Variants in EXOC6 observed in about 807,000 individuals in gnomAD.
EXOC6 encodes the protein SEC15-like 1.
A neutral mutation model predicts 112.5 loss-of-function variants in EXOC6; 60 were observed. The ratio of observed to expected loss-of-function variants is 0.53; its 90% CI spans 0.43 to 0.66. EXOC6 has a LOEUF of 0.66. Ranked by LOEUF, EXOC6 falls within the 30% of genes least tolerant of loss-of-function variation. The probability of loss-of-function intolerance (pLI) is 0.00; values close to 1 mark genes in which losing one functional copy is unlikely to be tolerated. For synonymous variants in EXOC6, 295 were observed against 308.0 expected, an observed-to-expected ratio of 0.96 and a Z score of 0.44; for missense variants, 855 against 957.1, an observed-to-expected ratio of 0.89 and a Z score of 1.41.
intron 20 of EXOC6, among the ~76,000 whole-genome samples, chr10:93,038,983 G>A (rs1428370185): frequency 6.6e-6 from 1 of 151,862 alleles, no homozygotes; most frequent in Non-Finnish European, 1.5e-5. Flanking sequence ...CACTTCAAAG[G>A]GATGTATTCT....
In EXOC6 at chr10:92,934,313, C is replaced by T. The variant is rs778248794; in HGVS notation, c.1023C>T (p.Phe341=). The T allele has an allele frequency of 3.8e-6, 6 of 1,569,234 alleles. No homozygotes were observed. The Admixed American group carries it at 1.0e-4, about 26-fold the overall frequency. The change falls in exon 11 of 22, where the codon TTC becomes TTT. Residue 341 remains phenylalanine, a synonymous_variant. Transcript: ENST00000260762. Reference sequence around the variant, plus strand: ...CTTTGGTAATTACTGTTTTTAGGTTCTTTGTGGTAGAAGATCACATTTTAC... The same window carrying T: ...CTTTGGTAATTACTGTTTTTAGGTTTTTTGTGGTAGAAGATCACATTTTAC... ...YRRYFTQIVG[F]FVVEDHILHV...
chr10:92,983,072 A>G (rs1358921559), intron 18 of EXOC6, among the ~76,000 whole-genome samples: 1 of 152,200 alleles, frequency 6.6e-6, no homozygotes. Context: ...CACTATCTTG[A>G]AATTTTTGAG....
intron 8 of EXOC6, among the ~76,000 whole-genome samples, chr10:92,924,671 T>C (rs1218554062): frequency 6.6e-6 from 1 of 152,194 alleles, no homozygotes; most frequent in African/African-American, 2.4e-5. Flanking sequence ...AGGGGTGCAT[T>C]TTTTAATGTA....
chr10:93,031,667 C>T (rs835269), intron 20 of EXOC6, among the ~76,000 whole-genome samples: 21,466 of 151,772 alleles, frequency 0.14, 1,682 homozygotes, highest in Admixed American at 0.2. Context: ...CACATGCTAC[C>T]GCACCCAGCT....
At chr10:93,049,778 C>G (rs542298408) in intron 20 of EXOC6, among the ~76,000 whole-genome samples, 1 of 152,224 alleles carries the variant, frequency 6.6e-6, no homozygotes, top group African/African-American at 2.4e-5. Context: ...AGGGTCTCAC[C>G]GTGTTGCCCA....
chr10:92,837,579 C>T (rs1834568633), intron 1 of EXOC6, among the ~76,000 whole-genome samples: 1 of 152,188 alleles, frequency 6.6e-6, no homozygotes, highest in African/African-American at 2.4e-5. Flanking sequence ...GGGAGGCTCA[C>T]TTGAGCCCAG....
intron 1 of EXOC6, among the ~76,000 whole-genome samples, chr10:92,887,347 C>T (rs532883473): frequency 1.4e-4 from 21 of 150,106 alleles, no homozygotes; most frequent in Admixed American, 2.0e-4. Flanking sequence ...TTTTTATCAA[C>T]GTAAGTAGAG....
intron 6 of EXOC6, among the ~76,000 whole-genome samples, chr10:92,910,923 T>C (rs1652924387): frequency 2.1e-5 from 1 of 48,038 alleles, no homozygotes; most frequent in African/African-American, 8.9e-5. Flanking sequence ...AGCGAGACTC[T>C]GTCTCAATAA....
chr10:93,047,396 C>T lies in EXOC6; in HGVS notation c.2170-9528C>T, dbSNP rs560966711. Reference sequence around the variant, plus strand: ...ACTAAAAATGCAAAAATTAGCTGGGCATGGGGGCGTGTGCCTGTAATCCTA... The same window carrying T: ...ACTAAAAATGCAAAAATTAGCTGGGTATGGGGGCGTGTGCCTGTAATCCTA... On this transcript the variant is annotated intron_variant, in intron 20 of 21. Coordinates refer to ENST00000260762, the MANE Select transcript of EXOC6 (RefSeq NM_019053.6). Among the ~76,000 whole-genome samples the T allele has an allele frequency of 1.4e-3, 219 of 152,028 alleles. 1 individual carries two copies. The highest frequency in any genetic ancestry group is 1.7e-3 in the Non-Finnish European group (118 of 67,982).
At chr10:92,848,011 C>A (rs895294251), upstream of EXOC6, among the ~76,000 whole-genome samples, 5 of 151,978 alleles carry the variant, frequency 3.3e-5, no homozygotes, top group Non-Finnish European at 7.4e-5. Flanking sequence ...GATCTTTATT[C>A]GTTCCTAAAA....
At chr10:92,947,679 G>A (rs1405325458) in intron 13 of EXOC6, among the ~76,000 whole-genome samples, 2 of 152,164 alleles carry the variant, frequency 1.3e-5, no homozygotes, top group Admixed American at 1.3e-4. Context: ...GGAGGCCGAG[G>A]CAGGCAGATC....
At position 92,979,192 on chromosome 10, in the gene EXOC6, GCT is replaced by G. The variant is rs1271151168; in HGVS notation, c.1953+4963_1953+4964del. On this transcript the variant is annotated intron_variant, in intron 18 of 21. Coordinates refer to ENST00000260762, the MANE Select transcript of EXOC6 (RefSeq NM_019053.6). ...CTCCCTTCCCCTCCGGTGAAGTCTT[GCT>G]CTGTCACCCAGGCTGGAGTGCACTG... Among the ~76,000 whole-genome samples, 4 of 152,032 alleles carry G rather than the reference GCT, an allele frequency of 2.6e-5. No homozygotes were observed. The East Asian group carries it at 7.7e-4, about 29-fold the overall frequency.
At chr10:92,906,944 A>G (rs149053571) in intron 5 of EXOC6, among the ~76,000 whole-genome samples, 2 of 152,284 alleles carry the variant, frequency 1.3e-5, no homozygotes, top group African/African-American at 4.8e-5. Flanking sequence ...AGAAATGGTA[A>G]TCTATTGTGG....
intron 18 of EXOC6, among the ~76,000 whole-genome samples, chr10:92,992,591 T>C (rs1843315817): frequency 6.6e-6 from 1 of 152,130 alleles, no homozygotes; most frequent in Admixed American, 6.5e-5. Flanking sequence ...ATGTTCCATA[T>C]AGTAAAACTC....
At chr10:92,862,501 T>C (rs956627191) in intron 1 of EXOC6, among the ~76,000 whole-genome samples, 12 of 152,134 alleles carry the variant, frequency 7.9e-5, no homozygotes, top group African/African-American at 2.7e-4. Flanking sequence ...CCTTCCACCA[T>C]GTGAGGATGC....
intron 20 of EXOC6, among the ~76,000 whole-genome samples, chr10:93,021,495 G>A (rs1008149503): frequency 1.5e-4 from 23 of 152,200 alleles, no homozygotes; most frequent in Admixed American, 9.8e-4. Context: ...GGGAGTTTTC[G>A]CTTTATCCCT....
intron 1 of EXOC6, among the ~76,000 whole-genome samples, chr10:92,866,251 C>T (rs1047323779): frequency 5.9e-5 from 9 of 152,090 alleles, no homozygotes; most frequent in South Asian, 2.1e-4. Flanking sequence ...TGGGATTAAA[C>T]ATTGAGAACT....
At chr10:92,963,064 C>G (rs1854105447) in intron 17 of EXOC6, among the ~76,000 whole-genome samples, 2 of 152,146 alleles carry the variant, frequency 1.3e-5, no homozygotes, top group Non-Finnish European at 1.5e-5. Flanking sequence ...TGGTATAAAC[C>G]CATGCACAGA....
At chr10:92,955,796 C>A in intron 17 of EXOC6, 82 bp downstream of exon 17, 3 of 1,251,400 alleles carry the variant, frequency 2.4e-6, no homozygotes, top group Non-Finnish European at 2.2e-6. Flanking sequence ...CTTATATATG[C>A]AAGATCTACT....
Sources: allele counts gnomAD v4.1 joint callset (sites outside exome capture counted in the v4.1 genomes callset), GRCh38; gene constraint gnomAD v4.1.1; transcripts MANE v1.5; gene names NCBI Gene and HGNC (gene_info 2026-07-23, HGNC 2026-07-21).